Variants in ECE1 observed in about 807,000 individuals in gnomAD.
ECE1 encodes endothelin converting enzyme 1, also known as endothelin-converting enzyme 1.
Under a neutral mutation model 98.6 loss-of-function variants are expected in ECE1, and 35 were observed. The ratio of observed to expected loss-of-function variants is 0.35; its 90% CI spans 0.27 to 0.47. The LOEUF (loss-of-function observed/expected upper bound fraction) is 0.47, where lower values mean the gene tolerates loss of function less well. Ranked by LOEUF, ECE1 falls within the 20% of genes least tolerant of loss-of-function variation. The probability of loss-of-function intolerance (pLI) is 1.00; values close to 1 mark genes in which losing one functional copy is unlikely to be tolerated. For synonymous variants in ECE1, 394 were observed against 407.1 expected, an observed-to-expected ratio of 0.97 and a Z score of 0.39; for missense variants, 814 against 1,025.3, an observed-to-expected ratio of 0.79 and a Z score of 2.81.
chr1:21,221,395 C>T (rs2098167305), intron 18 of ECE1, among the ~76,000 whole-genome samples: 1 of 152,164 alleles, frequency 6.6e-6, no homozygotes, highest in African/African-American at 2.4e-5. Flanking sequence ...TGGTCTCAAA[C>T]TCCTGACCTC....
intron 4 of ECE1, among the ~76,000 whole-genome samples, chr1:21,261,869 G>T (rs1311653078): frequency 6.6e-6 from 1 of 152,228 alleles, no homozygotes; most frequent in Non-Finnish European, 1.5e-5. Flanking sequence ...CCACTGGGTT[G>T]CGCGGAGCAG....
chr1:21,343,308 C>T (rs3026806), intron 1 of ECE1, among the ~76,000 whole-genome samples: 3,436 of 152,306 alleles, frequency 0.023, 138 homozygotes, highest in African/African-American at 0.078. Flanking sequence ...TTCAACACGT[C>T]CTGGCTAAAT....
intron 9 of ECE1, among the ~76,000 whole-genome samples, chr1:21,246,515 G>A (rs212512): frequency 0.17 from 22,585 of 132,072 alleles, 3,451 homozygotes; most frequent in African/African-American, 0.39. Context: ...AAAAAAAAAA[G>A]AAAAGAAAAG....
chr1:21,288,113 G>A (rs1279821906), intron 2 of ECE1, among the ~76,000 whole-genome samples: 1 of 152,184 alleles, frequency 6.6e-6, no homozygotes. Flanking sequence ...AGCCAAGCTG[G>A]GTACCCACAA....
rs2098172546 is a variant in ECE1 at position 21,225,286 on chromosome 1, G to A, written c.2004C>T (p.Asn668=). 1.9e-6 allele frequency: 3 copies of A among 1,614,110 alleles called. No homozygotes were observed. The highest frequency in any genetic ancestry group is 2.7e-5 in the African/African-American group (2 of 74,946). The part of the protein sequence containing the change: ...PVNGRHTLGE[N]IADNGGLKAA... ...CCTTGAGACCCCCGTTGTCGGCGAT[G>A]TTCTCCCCCAGGGTGTGCCGCCCGT... is the stretch of plus-strand genomic sequence containing the variant. The change falls in exon 17 of 19, where the codon AAC becomes AAT. Residue 668 remains asparagine (N), a synonymous_variant. Transcript: ENST00000374893. This position sits in a 1 kb window ranked among gnomAD's most constrained non-coding sequence, Gnocchi z 5.3.
chr1:21,336,216 C>CA (rs1056150553), intron 1 of ECE1, among the ~76,000 whole-genome samples: 3 of 151,996 alleles, frequency 2.0e-5, no homozygotes, highest in African/African-American at 7.3e-5. Flanking sequence ...CTTGTCTCTA[C>CA]AAAAAAATAT....
intron 1 of ECE1, among the ~76,000 whole-genome samples, chr1:21,305,264 T>C (rs1435719190): frequency 6.6e-6 from 1 of 152,136 alleles, no homozygotes; most frequent in African/African-American, 2.4e-5. Context: ...CAGGCTAACT[T>C]CTGGTCTGAT....
chr1:21,279,412 A>G (rs1202934678), intron 2 of ECE1, 80 bp from the exon 3 acceptor site: 1 of 1,608,668 alleles, frequency 6.2e-7, no homozygotes, highest in Non-Finnish European at 8.5e-7. Flanking sequence ...GTTCCGCTGC[A>G]GGCCCAGGCC....
At chr1:21,279,634 C>T (rs2098252085) in intron 2 of ECE1, 2 of 1,424,106 alleles carry the variant, frequency 1.4e-6, no homozygotes, top group African/African-American at 1.4e-5. Flanking sequence ...CCTGTTTCTC[C>T]AGTGAGGAGT....
chr1:21,224,992 T>C (rs1445815933), intron 17 of ECE1, among the ~76,000 whole-genome samples: 1 of 152,164 alleles, frequency 6.6e-6, no homozygotes, highest in Non-Finnish European at 1.5e-5. Context: ...TTCAGGCGGA[T>C]GAAGCCCGAG....
chr1:21,311,541 G>A lies in ECE1; in HGVS notation c.4-21385C>T, dbSNP rs546604861. 7.4e-5 allele frequency among the ~76,000 whole-genome samples: 10 copies of A among 135,852 alleles called. No homozygotes were observed. In the East Asian group the frequency reaches 2.0e-3, roughly 27 times the overall value. 89.1% of individuals were successfully genotyped at this position (135,852 alleles called of 152,430 possible). A position where few individuals can be genotyped will look rare whatever the true frequency, so the allele number is the denominator to read the frequency against. ...AAAAAAAAAAAAAAATTAGCCTGGT[G>A]TAGTGCCTCATGCCTGCAATCCCAG... is the stretch of plus-strand genomic sequence containing the variant. On this transcript the variant is annotated intron_variant, in intron 1 of 18. Coordinates refer to the ECE1 transcript ENST00000415912.
Position 21,257,471 on chromosome 1 carries a change from G to A in ECE1, c.828+54C>T, listed in dbSNP as rs13306315. ...CCTGCACAGGTGTGGGTGTGGACAC[G>A]GAGCAGGAAGGACCGTGCTGGGAGG... is the stretch of plus-strand genomic sequence containing the variant. On this transcript the variant is annotated intron_variant, in intron 7 of 18. Coordinates refer to ENST00000374893, the MANE Select transcript of ECE1 (RefSeq NM_001397.3). The A allele has an allele frequency of 8.6e-4, 1,368 of 1,591,860 alleles. 5 individuals are homozygous for A. The East Asian group carries it at 9.0e-3, about 10-fold the overall frequency.
At chr1:21,280,568 T>G (rs1224692912) in intron 2 of ECE1, among the ~76,000 whole-genome samples, 1 of 152,090 alleles carries the variant, frequency 6.6e-6, no homozygotes, top group African/African-American at 2.4e-5. Flanking sequence ...GTGACATGAT[T>G]AGATTTACCC....
Position 21,309,449 on chromosome 1 carries a change from G to T in ECE1, c.4-19293C>A, listed in dbSNP as rs527393107. On this transcript the variant is annotated intron_variant, in intron 1 of 18. Transcript: ENST00000415912. ...GTTAGTTACCCAGAAAGTGTTTGGAGTAGTGCCTGGTATGCAGTGAGCGCT... is the reference window on the plus strand; with the variant it reads ...GTTAGTTACCCAGAAAGTGTTTGGATTAGTGCCTGGTATGCAGTGAGCGCT... 4.6e-5 allele frequency among the ~76,000 whole-genome samples: 7 copies of T among 152,356 alleles called. No homozygotes were observed. In the East Asian group the frequency reaches 1.3e-3, roughly 29 times the overall value.
At chr1:21,252,878 T>C (rs2098214502) in intron 8 of ECE1, among the ~76,000 whole-genome samples, 1 of 152,182 alleles carries the variant, frequency 6.6e-6, no homozygotes, top group Non-Finnish European at 1.5e-5. Context: ...ACAATAATGA[T>C]GAATATAATA....
chr1:21,263,176 A>G (rs974090658), intron 4 of ECE1, among the ~76,000 whole-genome samples: 1 of 152,030 alleles, frequency 6.6e-6, no homozygotes, highest in Non-Finnish European at 1.5e-5. Flanking sequence ...CCCCTCCGCC[A>G]TTCCATGTCT....
Position 21,221,825 on chromosome 1 carries a change from C to T in ECE1, c.2058G>A (p.Val686=). 1 of 1,614,202 alleles carries T rather than the reference C, an allele frequency of 6.2e-7. No individual in the cohort carries two copies. ...GCGAGTGCTCAGCCCCGTTCTTCTT[C>T]ACCCAGTTCTGGTAAGCCTGGGAGG... ...KAAYRAYQNW[V]KKNGAEHSLP... The change falls in exon 18 of 19, where the codon GTG becomes GTA. Residue 686 remains valine, a synonymous_variant. Transcript: ENST00000374893.
chr1:21,294,623 C>T (rs1369970322), upstream of ECE1, among the ~76,000 whole-genome samples: 1 of 152,206 alleles, frequency 6.6e-6, no homozygotes, highest in Admixed American at 6.5e-5. The surrounding 1 kb of genome is among the most constrained non-coding windows in gnomAD (Gnocchi z 4.2). Context: ...TGAGCAGAAA[C>T]GAGAAATATA....
At chr1:21,247,194 G>A (rs1378273878) in intron 9 of ECE1, 27 bp downstream of exon 9, 1 of 1,614,000 alleles carries the variant, frequency 6.2e-7, no homozygotes, top group Admixed American at 1.7e-5. Flanking sequence ...TGAGAGGCGT[G>A]CCCCAGGCCA....
Sources: allele counts gnomAD v4.1 joint callset (sites outside exome capture counted in the v4.1 genomes callset), GRCh38; gene constraint gnomAD v4.1.1; non-coding constraint Gnocchi (gnomAD v3.1); transcripts MANE v1.5; gene names NCBI Gene and HGNC (gene_info 2026-07-23, HGNC 2026-07-21).